Variants in CPXM2 observed in about 807,000 individuals in gnomAD.
The protein encoded by CPXM2 is inactive carboxypeptidase-like protein X2.
In CPXM2, 66 loss-of-function variants were observed where a neutral mutation model predicts 86.1. That is an observed-to-expected ratio of 0.77 (90% confidence interval 0.63 to 0.94). The LOEUF is 0.94. CPXM2 is among the 40% of genes least tolerant of loss of function. The pLI is 0.00. For synonymous variants in CPXM2, 388 were observed against 400.2 expected (o/e 0.97, Z 0.36); for missense variants, 948 against 1,026.3 (o/e 0.92, Z 1.04).
At chr10:123,831,373 A>G (rs911840134) in intron 4 of CPXM2, among the ~76,000 whole-genome samples, 5 of 152,212 alleles carry the variant, frequency 3.3e-5, no homozygotes, top group African/African-American at 1.2e-4. Context: ...AGTGTTGAGC[A>G]GGCACTGCCT....
At chr10:123,919,877 A>G (rs989908206) in intron 2 of CPXM2, among the ~76,000 whole-genome samples, 1 of 152,178 alleles carries the variant, frequency 6.6e-6, no homozygotes, top group African/African-American at 2.4e-5. Context: ...GGGTGGGGAG[A>G]TCACATTTCA....
chr10:123,903,198 A>G (rs1183968445), intron 2 of CPXM2, among the ~76,000 whole-genome samples: 1 of 152,190 alleles, frequency 6.6e-6, no homozygotes, highest in Non-Finnish European at 1.5e-5. Context: ...TGTCCTGGCC[A>G]TAGGACACAG....
chr10:123,922,673 A>G (rs551821660), intron 2 of CPXM2, among the ~76,000 whole-genome samples: 33 of 152,350 alleles, frequency 2.2e-4, no homozygotes, highest in African/African-American at 7.5e-4. Flanking sequence ...TCCCCAAAGC[A>G]TAGGAGGCTC....
intron 2 of CPXM2, among the ~76,000 whole-genome samples, chr10:123,867,633 A>C (rs1257770078): frequency 1.3e-5 from 2 of 150,990 alleles, no homozygotes; most frequent in African/African-American, 4.9e-5. Context: ...CCCAGGTTCA[A>C]GCAATTCTCC....
intron 2 of CPXM2, among the ~76,000 whole-genome samples, chr10:123,864,216 GT>G (rs1371326551): frequency 7.2e-6 from 1 of 138,174 alleles, no homozygotes; most frequent in Non-Finnish European, 1.6e-5. Flanking sequence ...TAACCGGTCT[GT>G]CCTGAGAGAT....
At position 123,757,350 on chromosome 10, in the gene CPXM2, G is replaced by C; in HGVS notation, c.1780C>G (p.Leu594Val). The C allele has an allele frequency of 6.2e-7, 1 of 1,612,790 alleles. No homozygotes were observed. Among genetic ancestry groups the C allele is most frequent in the Non-Finnish European group, 8.5e-7 (1 of 1,178,854 alleles). ...GASWHTVAGS[L>V]NDFSYLHTNC... ...GTATGAAGGTAGCTGAAATCGTTCA[G>C]ACCTGCCAAGCCAACCGGACAACAC... The change falls in exon 12 of 14, where the codon CTG becomes GTG. Residue 594 changes from leucine (L) to valine (V), a missense_variant and splice_region_variant. Leu to Val is a conservative substitution (Grantham distance 32). Coordinates refer to ENST00000241305, the MANE Select transcript of CPXM2 (RefSeq NM_198148.3).
chr10:123,757,168 C>T (rs142645729), intron 12 of CPXM2, 45 bp downstream of exon 12: 3 of 1,585,670 alleles, frequency 1.9e-6, no homozygotes, highest in South Asian at 1.1e-5. Context: ...GCAGCCTCAT[C>T]CCCCAGCTAG....
At chr10:123,817,708 C>G (rs996009160) in intron 4 of CPXM2, among the ~76,000 whole-genome samples, 1 of 152,202 alleles carries the variant, frequency 6.6e-6, no homozygotes, top group African/African-American at 2.4e-5. Flanking sequence ...CTTCTCTCCC[C>G]CAGACTGCAT....
rs1165936918 is a variant in CPXM2, at chr10:123,837,214, G to A, written c.653+5135C>T. Among the ~76,000 whole-genome samples, 4 of 152,204 alleles carry A rather than the reference G, an allele frequency of 2.6e-5. No individual in the cohort carries two copies. The East Asian group carries it at 7.7e-4, about 29-fold the overall frequency. On this transcript the variant is annotated intron_variant, in intron 4 of 13. Transcript: ENST00000241305. ...AGCGAGCGTCTCAGGGCTCAGGGCT[G>A]AGCCTCCCCGTCCTTGTGCTCTCAG...
At chr10:123,887,361 AT>A in intron 1 of CPXM2, among the ~76,000 whole-genome samples, 1 of 152,326 alleles carries the variant, frequency 6.6e-6, no homozygotes. Flanking sequence ...TAAGAAAAAG[AT>A]TCTACGGTTC....
chr10:123,902,834 G>A (rs190365091), intron 2 of CPXM2, among the ~76,000 whole-genome samples: 333 of 152,282 alleles, frequency 2.2e-3, no homozygotes, highest in African/African-American at 7.7e-3. Context: ...GGAAAGGCTC[G>A]CGGCTGTTGT....
chr10:123,935,152 A>G (rs1487603186), intron 2 of CPXM2, among the ~76,000 whole-genome samples: 2 of 152,212 alleles, frequency 1.3e-5, no homozygotes, highest in African/African-American at 4.8e-5. Flanking sequence ...AGCCTGCTGC[A>G]TGGAGCCCAC....
chr10:123,834,023 T>C (rs931056590), intron 4 of CPXM2, among the ~76,000 whole-genome samples: 1 of 152,190 alleles, frequency 6.6e-6, no homozygotes. Flanking sequence ...TACATCTCCA[T>C]CTTACAGATG....
chr10:123,747,721 T>G (rs1845996643), intron 13 of CPXM2, among the ~76,000 whole-genome samples: 1 of 152,050 alleles, frequency 6.6e-6, no homozygotes, highest in South Asian at 2.1e-4. Flanking sequence ...AGCTCTAGGC[T>G]AGATCCCTGT....
At chr10:123,778,731 T>C (rs1174384583) in intron 7 of CPXM2, among the ~76,000 whole-genome samples, 1 of 152,248 alleles carries the variant, frequency 6.6e-6, no homozygotes, top group East Asian at 1.9e-4. Flanking sequence ...CTCAAGAAGC[T>C]GTCCTGAGAT....
intron 6 of CPXM2, 47 bp from the exon 7 acceptor site, chr10:123,780,302 C>A: frequency 8.8e-7 from 1 of 1,134,132 alleles, no homozygotes; most frequent in South Asian, 1.2e-5. Flanking sequence ...CATTCTATCT[C>A]CCATGGCACC....
chr10:123,854,364 A>ATATATATAT lies in CPXM2; in HGVS notation c.513+8241_513+8249dup, dbSNP rs1407542535. On this transcript the variant is annotated intron_variant, in intron 3 of 13. Coordinates refer to ENST00000241305, the MANE Select transcript of CPXM2 (RefSeq NM_198148.3). ...CAAATATATATATATATATAAAAATATATATATATAATATATATATAATAT... is the reference window on the plus strand; with the variant it reads ...CAAATATATATATATATATAAAAATATATATATATTATATATATAATATATATATAATAT... 5.5e-3 allele frequency among the ~76,000 whole-genome samples: 435 copies of ATATATATAT among 78,846 alleles called. 3 individuals carry two copies. Among genetic ancestry groups the ATATATATAT allele is most frequent in the African/African-American group, 0.026 (381 of 14,532 alleles). 51.7% of individuals were successfully genotyped at this position (78,846 alleles called of 152,430 possible). A position where few individuals can be genotyped will look rare whatever the true frequency, so the allele number is the denominator to read the frequency against.
chr10:123,779,606 C>T (rs977907082), intron 7 of CPXM2, among the ~76,000 whole-genome samples: 7 of 152,320 alleles, frequency 4.6e-5, no homozygotes, highest in African/African-American at 1.7e-4. Context: ...TTATCAGTAG[C>T]TTCACAAATT....
At chr10:123,926,867 G>T (rs1945625866) in intron 2 of CPXM2, among the ~76,000 whole-genome samples, 1 of 152,206 alleles carries the variant, frequency 6.6e-6, no homozygotes, top group Non-Finnish European at 1.5e-5. Context: ...TATGTTATGT[G>T]AAGAAAACCC....
Sources: gnomAD v4.1 joint callset for allele counts (sites outside exome capture counted in the v4.1 genomes callset) on GRCh38, gnomAD v4.1.1 for gene constraint, MANE v1.5 for transcripts, NCBI Gene and HGNC (gene_info 2026-07-23, HGNC 2026-07-21) for gene names.